ASXL1: variants seen among roughly 807,000 people sequenced by gnomAD.
ASXL1 encodes polycomb group protein ASXL1.
ASXL1 carries 65 observed loss-of-function variants against 89.1 expected under a neutral mutation model. That is an observed-to-expected ratio of 0.73 (90% CI 0.60 to 0.90). The LOEUF (loss-of-function observed/expected upper bound fraction) is 0.90. Among genes scored for constraint, ASXL1 ranks in the 40% least tolerant of loss-of-function variants. ASXL1 has a pLI of 0.00. For synonymous variants in ASXL1, 739 were observed against 746.9 expected, an observed-to-expected ratio of 0.99 and a Z score of 0.17; for missense variants, 1,786 against 1,942.9, an observed-to-expected ratio of 0.92 and a Z score of 1.52.
At chr20:32,387,810 T>C (rs2048604659) in intron 4 of ASXL1, among the ~76,000 whole-genome samples, 2 of 152,244 alleles carry the variant, frequency 1.3e-5, no homozygotes, top group African/African-American at 4.8e-5. Context: ...ACTCATATAT[T>C]CAGTTACCTC....
chr20:32,380,213 C>A (rs1318694215), intron 4 of ASXL1, among the ~76,000 whole-genome samples: 1 of 150,854 alleles, frequency 6.6e-6, no homozygotes, highest in Non-Finnish European at 1.5e-5. Flanking sequence ...ACCCGGGAGG[C>A]GGAGATTGCA....
At chr20:32,374,294 A>G (rs2122869853) in intron 4 of ASXL1, among the ~76,000 whole-genome samples, 1 of 151,826 alleles carries the variant, frequency 6.6e-6, no homozygotes, top group East Asian at 2.0e-4. Context: ...GTGCTCACCC[A>G]GTTTTTTATT....
At chr20:32,378,158 TTG>T (rs142792019) in intron 4 of ASXL1, among the ~76,000 whole-genome samples, 7,502 of 130,174 alleles carry the variant, frequency 0.058, 311 homozygotes, top group Admixed American at 0.15. Flanking sequence ...GCTGAGTAAT[TTG>T]TGTGTGTGTG....
rs568098365 is a variant in ASXL1, at chr20:32,375,718, C to T, written c.252+6595C>T. Among the ~76,000 whole-genome samples, 5 of 151,666 alleles carry T rather than the reference C, an allele frequency of 3.3e-5. No homozygotes were observed. The East Asian group carries it at 7.8e-4, about 24-fold the overall frequency. On this transcript the variant is annotated intron_variant, in intron 4 of 12. Transcript: ENST00000375687. ...TGTTTTTTGAGACAGGGCCTGGCTCCGTTGCCCAGGCTGGAGTGCAGTGGC... is the reference window on the plus strand; with the variant it reads ...TGTTTTTTGAGACAGGGCCTGGCTCTGTTGCCCAGGCTGGAGTGCAGTGGC...
At chr20:32,411,215 CTTTTTTTTTTTTTTT>C (rs71187118) in intron 4 of ASXL1, among the ~76,000 whole-genome samples, 4 of 53,440 alleles carry the variant, frequency 7.5e-5, no homozygotes, top group Non-Finnish European at 9.6e-5. Context: ...TTTATGGATT[CTTTTTTTTTTTTTTT>C]TTTTTTTTTT....
chr20:32,367,745 T>C lies in ASXL1; in HGVS notation c.143+16T>C, dbSNP rs1198873292. The C allele has an allele frequency of 1.3e-6, 1 of 780,902 alleles. No individual in the cohort carries two copies. Among genetic ancestry groups the C allele is most frequent in the Admixed American group, 1.7e-5 (1 of 59,032 alleles). The allele number at this position is 780,902 out of a possible 1,614,324, so 48.4% of individuals were successfully genotyped here. A position where few individuals can be genotyped will look rare whatever the true frequency, so the allele number is the denominator to read the frequency against. ...CCTATAGAAGGTAAATGAGTCCCTTTGGGACATATGGAATTGAGAACCTTA... is the reference window on the plus strand; with the variant it reads ...CCTATAGAAGGTAAATGAGTCCCTTCGGGACATATGGAATTGAGAACCTTA... On this transcript the variant is annotated intron_variant, in intron 3 of 12. Coordinates refer to ENST00000375687, the MANE Select transcript of ASXL1 (RefSeq NM_015338.6).
In ASXL1 at chr20:32,431,705, G is replaced by T. The variant is rs367732350; in HGVS notation, c.979+26G>T. ...GTATGTAGACTTGGTCATCTCGGACGGCTTGCGACGCACCTGTCGTGTGGT... is the reference window on the plus strand; with the variant it reads ...GTATGTAGACTTGGTCATCTCGGACTGCTTGCGACGCACCTGTCGTGTGGT... On this transcript the variant is annotated intron_variant, in intron 10 of 12. Coordinates refer to ENST00000375687, the MANE Select transcript of ASXL1 (RefSeq NM_015338.6). 11 of 1,607,126 alleles carry T rather than the reference G, an allele frequency of 6.8e-6. No homozygotes were observed. In the South Asian group the frequency reaches 9.9e-5, roughly 14 times the overall value.
At chr20:32,434,193 C>T in intron 12 of ASXL1, 1 of 692,978 alleles carries the variant, frequency 1.4e-6, no homozygotes, top group Non-Finnish European at 2.4e-6. Flanking sequence ...GCTATAGTGA[C>T]TCACACAGTC....
At chr20:32,418,482 TTAAAG>T (rs2049176985) in intron 4 of ASXL1, among the ~76,000 whole-genome samples, 1 of 152,228 alleles carries the variant, frequency 6.6e-6, no homozygotes, top group South Asian at 2.1e-4. Flanking sequence ...GTTCACCAAT[TTAAAG>T]TATACAATTC....
chr20:32,359,207 G>A, intron 1 of ASXL1: 1 of 698,512 alleles, frequency 1.4e-6, no homozygotes, highest in Non-Finnish European at 2.6e-6. Flanking sequence ...GGGTTTCCGG[G>A]AAGGGTCGGA....
intron 4 of ASXL1, among the ~76,000 whole-genome samples, chr20:32,426,120 T>C (rs1264992087): frequency 6.6e-6 from 1 of 152,238 alleles, no homozygotes; most frequent in Non-Finnish European, 1.5e-5. Context: ...TTAATTTTAA[T>C]GTAGTTTAAT....
intron 4 of ASXL1, among the ~76,000 whole-genome samples, chr20:32,389,597 T>C (rs1333472550): frequency 1.3e-5 from 2 of 152,182 alleles, no homozygotes; most frequent in African/African-American, 4.8e-5. Flanking sequence ...CGCCTTTTTC[T>C]TTTTCTGAAA....
intron 1 of ASXL1, chr20:32,359,748 T>A: frequency 1.4e-6 from 1 of 718,106 alleles, no homozygotes; most frequent in Non-Finnish European, 2.6e-6. Context: ...GTTCAACCGA[T>A]GGGGGTTGTG....
At chr20:32,393,736 C>G (rs1213319589) in intron 4 of ASXL1, among the ~76,000 whole-genome samples, 1 of 152,132 alleles carries the variant, frequency 6.6e-6, no homozygotes, top group East Asian at 1.9e-4. Context: ...TCCCAAAGTG[C>G]TGGGATTACA....
chr20:32,378,629 ATT>A (rs966102579), intron 4 of ASXL1, among the ~76,000 whole-genome samples: 2 of 151,998 alleles, frequency 1.3e-5, no homozygotes, highest in African/African-American at 4.8e-5. Context: ...TAGGATTTGT[ATT>A]GTTTTTTTAC....
At chr20:32,418,677 A>G (rs1220857780) in intron 4 of ASXL1, among the ~76,000 whole-genome samples, 1 of 152,018 alleles carries the variant, frequency 6.6e-6, no homozygotes, top group Non-Finnish European at 1.5e-5. Flanking sequence ...AACTCCTCTC[A>G]TCTTGTTCTT....
chr20:32,366,254 T>G, intron 1 of ASXL1, 130 bp from the exon 2 acceptor site: 2 of 775,602 alleles, frequency 2.6e-6, no homozygotes, highest in South Asian at 2.9e-5. Context: ...ATTTCTGAAG[T>G]AATTTTAACT....
chr20:32,359,155 C>G, intron 1 of ASXL1: 1 of 660,216 alleles, frequency 1.5e-6, no homozygotes, highest in East Asian at 2.7e-5. Context: ...TTGGCAGCGT[C>G]TGGGGGTCTG....
At chr20:32,380,550 G>A (rs1177867982) in intron 4 of ASXL1, among the ~76,000 whole-genome samples, 1 of 151,920 alleles carries the variant, frequency 6.6e-6, no homozygotes, top group African/African-American at 2.4e-5. Flanking sequence ...CCTGGAATTC[G>A]AGACCAGCCT....
Sources: allele counts gnomAD v4.1 joint callset (sites outside exome capture counted in the v4.1 genomes callset), GRCh38; gene constraint gnomAD v4.1.1; transcripts MANE v1.5; gene names NCBI Gene and HGNC (gene_info 2026-07-23, HGNC 2026-07-21).